ADARB2: variants seen among roughly 807,000 people sequenced by gnomAD.
The protein encoded by ADARB2 is adenosine deaminase RNA specific B2 (inactive).
ADARB2 carries 25 observed loss-of-function variants against 62.2 expected under a neutral mutation model. The ratio of observed to expected loss-of-function variants is 0.40; its 90% CI spans 0.29 to 0.56. The LOEUF is 0.56. Among genes scored for constraint, ADARB2 ranks in the 20% least tolerant of loss-of-function variants. ADARB2 has a pLI of 0.43. For missense variants in ADARB2, 1,071 were observed against 1,077.4 expected (o/e 0.99, Z 0.08); for synonymous variants, 572 against 500.8 (o/e 1.14, Z -1.90).
At chr10:1,360,079 G>T (rs1008056381) in intron 3 of ADARB2, among the ~76,000 whole-genome samples, 2 of 152,242 alleles carry the variant, frequency 1.3e-5, no homozygotes. Flanking sequence ...GGATCCAGAC[G>T]TGGTTTTGTG....
At chr10:1,703,511 G>C (rs963269630) in intron 1 of ADARB2, among the ~76,000 whole-genome samples, 2 of 152,184 alleles carry the variant, frequency 1.3e-5, no homozygotes, top group African/African-American at 4.8e-5. Flanking sequence ...GCAGAGAGGG[G>C]AGAGTTGATG....
chr10:1,267,445 G>A (rs1454571285), intron 4 of ADARB2, among the ~76,000 whole-genome samples: 1 of 152,222 alleles, frequency 6.6e-6, no homozygotes, highest in Non-Finnish European at 1.5e-5. Flanking sequence ...TGATTCCGGA[G>A]ATGGTGTCCC....
At chr10:1,309,516 T>C (rs1415880010) in intron 3 of ADARB2, among the ~76,000 whole-genome samples, 5 of 152,252 alleles carry the variant, frequency 3.3e-5, no homozygotes, top group South Asian at 2.1e-4. Context: ...TGGCTACCAC[T>C]GGGATGTTTG....
intron 2 of ADARB2, among the ~76,000 whole-genome samples, chr10:1,376,773 C>CA (rs1832433113): frequency 6.6e-6 from 1 of 151,044 alleles, no homozygotes; most frequent in Non-Finnish European, 1.5e-5. Context: ...GCCGGGATCC[C>CA]AGCAGCTCCA....
chr10:1,410,314 CAT>C (rs1832748893), intron 1 of ADARB2, among the ~76,000 whole-genome samples: 1 of 135,806 alleles, frequency 7.4e-6, no homozygotes, highest in Non-Finnish European at 1.5e-5. Context: ...TGGCCGTGGT[CAT>C]AGGGAAGGAT....
chr10:1,183,573 G>A (rs1176617676), intron 9 of ADARB2, among the ~76,000 whole-genome samples: 1 of 152,230 alleles, frequency 6.6e-6, no homozygotes, highest in African/African-American at 2.4e-5. Context: ...CATCTGAGGT[G>A]TGAATGATGA....
At chr10:1,720,022 G>T (rs1280110708) in intron 1 of ADARB2, among the ~76,000 whole-genome samples, 3 of 152,070 alleles carry the variant, frequency 2.0e-5, no homozygotes, top group African/African-American at 7.2e-5. Flanking sequence ...CATTCCTGGG[G>T]GTATACCCAC....
At chr10:1,466,083 C>A (rs1050573262) in intron 1 of ADARB2, among the ~76,000 whole-genome samples, 1 of 152,258 alleles carries the variant, frequency 6.6e-6, no homozygotes. Flanking sequence ...AAACACGACC[C>A]AGGCAAGACC....
In ADARB2 at chr10:1,737,190, C is replaced by T. The variant is rs763487633; in HGVS notation, c.-40G>A. On this transcript the variant is annotated 5_prime_UTR_variant, in exon 1 of 10. Transcript: ENST00000381312. The stretch of plus-strand genomic sequence containing the variant: ...CGCGGAGCCCAGAGCCGCCTCCCTC[C>T]TGCACCTGCACCTGCCTCCTTCCCG... 11 of 1,582,946 alleles carry T rather than the reference C, an allele frequency of 6.9e-6. No homozygotes were observed. The highest frequency in any genetic ancestry group is 2.2e-5 in the East Asian group (1 of 44,750).
At chr10:1,298,619 G>A (rs541832959) in intron 3 of ADARB2, among the ~76,000 whole-genome samples, 2 of 151,998 alleles carry the variant, frequency 1.3e-5, no homozygotes, top group East Asian at 3.9e-4. Context: ...CACGTGGATG[G>A]AGAAGACACA....
chr10:1,472,331 T>C (rs138008665), intron 1 of ADARB2, among the ~76,000 whole-genome samples: 37 of 152,238 alleles, frequency 2.4e-4, no homozygotes, highest in African/African-American at 7.7e-4. Context: ...GCCATGCGGC[T>C]CAGGGGTCAG....
chr10:1,397,966 T>C (rs1295778397), intron 1 of ADARB2, among the ~76,000 whole-genome samples: 50 of 66,412 alleles, frequency 7.5e-4, no homozygotes, highest in African/African-American at 1.2e-3. Context: ...TCACCGTCCG[T>C]CTCTCCCCTC....
chr10:1,335,890 G>C (rs889399953), intron 3 of ADARB2, among the ~76,000 whole-genome samples: 3 of 152,172 alleles, frequency 2.0e-5, no homozygotes, highest in Admixed American at 6.5e-5. Context: ...TGCAATCCCC[G>C]TGTCTTCACA....
chr10:1,723,330 G>A (rs961799089), intron 1 of ADARB2, among the ~76,000 whole-genome samples: 3 of 152,186 alleles, frequency 2.0e-5, no homozygotes, highest in African/African-American at 7.2e-5. Flanking sequence ...AGCTCTCCCC[G>A]TGGCCTTTCT....
chr10:1,246,824 CT>C (rs1830990075), intron 4 of ADARB2, among the ~76,000 whole-genome samples: 2 of 151,428 alleles, frequency 1.3e-5, no homozygotes, highest in African/African-American at 4.9e-5. Flanking sequence ...GATGCGGGCT[CT>C]TTTTTGGTTC....
chr10:1,481,476 A>G (rs949467145), intron 1 of ADARB2, among the ~76,000 whole-genome samples: 1 of 152,274 alleles, frequency 6.6e-6, no homozygotes, highest in South Asian at 2.1e-4. Context: ...AAAAGCTTTT[A>G]TTCCTCAAAG....
chr10:1,419,060 G>A (rs1832830896), intron 1 of ADARB2, among the ~76,000 whole-genome samples: 1 of 152,016 alleles, frequency 6.6e-6, no homozygotes, highest in African/African-American at 2.4e-5. Context: ...ACTAAAGCAG[G>A]AGCCTAAATA....
intron 7 of ADARB2, among the ~76,000 whole-genome samples, chr10:1,207,992 T>G (rs1328627954): frequency 6.6e-6 from 1 of 152,202 alleles, no homozygotes; most frequent in Non-Finnish European, 1.5e-5. Context: ...AGGATGGGAC[T>G]GTTAGGCCTG....
intron 1 of ADARB2, among the ~76,000 whole-genome samples, chr10:1,495,977 A>G (rs1158087998): frequency 6.6e-6 from 1 of 151,858 alleles, no homozygotes; most frequent in Non-Finnish European, 1.5e-5. Context: ...CATTGCCATG[A>G]TTATCATTTC....
Sources: allele counts gnomAD v4.1 joint callset (sites outside exome capture counted in the v4.1 genomes callset), GRCh38; gene constraint gnomAD v4.1.1; transcripts MANE v1.5; gene names NCBI Gene and HGNC (gene_info 2026-07-23, HGNC 2026-07-21).